The following ST6GALNAC3 variants were observed in gnomAD, a reference collection of about 807,000 sequenced individuals.
ST6GALNAC3 encodes ST6 N-acetylgalactosaminide alpha-2,6-sialyltransferase 3.
ST6GALNAC3 carries 25 observed loss-of-function variants against 32.7 expected under a neutral mutation model. The ratio of observed to expected loss-of-function variants is 0.76; its 90% CI spans 0.56 to 1.07. ST6GALNAC3 has a LOEUF of 1.07. Ranked by LOEUF, ST6GALNAC3 falls within the 50% of genes least tolerant of loss-of-function variation. ST6GALNAC3 has a pLI of 0.00. For missense variants in ST6GALNAC3, 355 were observed against 382.4 expected (o/e 0.93, Z 0.60); for synonymous variants, 129 against 133.1 (o/e 0.97, Z 0.21).
At chr1:76,263,674 T>A (rs1435712561) in intron 1 of ST6GALNAC3, among the ~76,000 whole-genome samples, 1 of 152,230 alleles carries the variant, frequency 6.6e-6, no homozygotes, top group African/African-American at 2.4e-5. Flanking sequence ...ACTGTCTCAT[T>A]CTTTTGGAGA....
chr1:76,397,076 T>A (rs1447002065), intron 2 of ST6GALNAC3, among the ~76,000 whole-genome samples: 3 of 152,130 alleles, frequency 2.0e-5, no homozygotes, highest in Non-Finnish European at 4.4e-5. Flanking sequence ...TTTAAAGTAG[T>A]TTAAAAATAA....
At chr1:76,402,352 A>G (rs965976112) in intron 2 of ST6GALNAC3, among the ~76,000 whole-genome samples, 2 of 152,186 alleles carry the variant, frequency 1.3e-5, no homozygotes, top group Admixed American at 1.3e-4. Flanking sequence ...AGGAATGTAC[A>G]TAACCCCACT....
At chr1:76,112,648 C>A (rs1648121261) in intron 1 of ST6GALNAC3, among the ~76,000 whole-genome samples, 1 of 149,390 alleles carries the variant, frequency 6.7e-6, no homozygotes, top group Non-Finnish European at 1.5e-5. Context: ...GGAGGGGCTC[C>A]TCACTTCTCA....
intron 2 of ST6GALNAC3, among the ~76,000 whole-genome samples, chr1:76,326,855 G>A (rs1354370765): frequency 1.5e-5 from 2 of 133,976 alleles, no homozygotes; most frequent in African/African-American, 2.8e-5. Flanking sequence ...CATTGTTTAG[G>A]TATGCAATCT....
chr1:76,546,333 C>T (rs185275769), intron 3 of ST6GALNAC3, among the ~76,000 whole-genome samples: 59 of 152,204 alleles, frequency 3.9e-4, no homozygotes, highest in Admixed American at 2.0e-3. Context: ...AGTGATGGTG[C>T]TAGTAGTGGG....
At chr1:76,254,217 A>G (rs560762738) in intron 1 of ST6GALNAC3, among the ~76,000 whole-genome samples, 26 of 152,210 alleles carry the variant, frequency 1.7e-4, no homozygotes, top group Admixed American at 9.8e-4. Context: ...GACAGTTACT[A>G]TTTCTAGATC....
intron 1 of ST6GALNAC3, among the ~76,000 whole-genome samples, chr1:76,265,961 G>C (rs1230978885): frequency 6.6e-6 from 1 of 152,152 alleles, no homozygotes; most frequent in African/African-American, 2.4e-5. Context: ...ATGGTCTGAG[G>C]ATTATAGTTA....
At position 76,212,281 on chromosome 1, in the gene ST6GALNAC3, TG is replaced by T. The variant is rs544791914; in HGVS notation, c.19-101523del. Among the ~76,000 whole-genome samples the T allele has an allele frequency of 5.3e-5, 8 of 152,256 alleles. No individual in the cohort carries two copies. The South Asian group carries it at 1.7e-3, about 32-fold the overall frequency. On this transcript the variant is annotated intron_variant, in intron 1 of 4. Coordinates refer to ENST00000328299, the MANE Select transcript of ST6GALNAC3 (RefSeq NM_152996.4). ...CTCATTTTTGGAAACTGCTCCCCTA[TG>T]TTAAGTATAGTGAAACGCTTCCAGA...
chr1:76,362,567 C>A (rs1280162535), intron 2 of ST6GALNAC3, among the ~76,000 whole-genome samples: 1 of 152,140 alleles, frequency 6.6e-6, no homozygotes, highest in African/African-American at 2.4e-5. Flanking sequence ...CCTGTGAAAT[C>A]AAAAACAAGT....
chr1:76,378,599 T>C (rs1411606781), intron 2 of ST6GALNAC3, among the ~76,000 whole-genome samples: 2 of 151,520 alleles, frequency 1.3e-5, no homozygotes, highest in Non-Finnish European at 2.9e-5. Flanking sequence ...GAGGCAGAGG[T>C]TGCAGTGAGT....
intron 1 of ST6GALNAC3, among the ~76,000 whole-genome samples, chr1:76,203,592 A>T (rs570153801): frequency 6.6e-6 from 1 of 152,354 alleles, no homozygotes; most frequent in South Asian, 2.1e-4. Flanking sequence ...ATAAGGAGTG[A>T]TAAGAAAATG....
chr1:76,106,346 A>C (rs539702943), intron 1 of ST6GALNAC3, among the ~76,000 whole-genome samples: 2 of 152,288 alleles, frequency 1.3e-5, no homozygotes, highest in East Asian at 1.9e-4. Flanking sequence ...AATGAGCTGA[A>C]CCATGTTGGT....
intron 2 of ST6GALNAC3, among the ~76,000 whole-genome samples, chr1:76,319,624 T>C (rs1165892871): frequency 6.6e-6 from 1 of 152,210 alleles, no homozygotes; most frequent in Non-Finnish European, 1.5e-5. Flanking sequence ...TTTACGTAAG[T>C]ATATTGAGAG....
At chr1:76,173,949 C>T in intron 1 of ST6GALNAC3, among the ~76,000 whole-genome samples, 1 of 152,016 alleles carries the variant, frequency 6.6e-6, no homozygotes, top group East Asian at 1.9e-4. Context: ...TGATCTAGAA[C>T]CAGAAATACC....
At chr1:76,526,511 C>T (rs961138853) in intron 3 of ST6GALNAC3, among the ~76,000 whole-genome samples, 1 of 151,792 alleles carries the variant, frequency 6.6e-6, no homozygotes, top group Non-Finnish European at 1.5e-5. Flanking sequence ...CTCTGGAATC[C>T]TTTAAGTTGA....
In ST6GALNAC3 at chr1:76,592,059, G is replaced by A. The variant is rs549626021; in HGVS notation, c.624-35393G>A. ...TGAAGATGTTCTTATGTAAGGTGAA[G>A]AATCCCAGATTTGATTCCCTAGTTT... On this transcript the variant is annotated intron_variant, in intron 3 of 4. Coordinates refer to ENST00000328299, the MANE Select transcript of ST6GALNAC3 (RefSeq NM_152996.4). Among the ~76,000 whole-genome samples the A allele has an allele frequency of 1.9e-3, 284 of 152,298 alleles. 1 individual carries two copies. Among genetic ancestry groups the A allele is most frequent in the Middle Eastern group, 3.4e-3 (1 of 294 alleles).
chr1:76,156,848 C>T (rs987074981), intron 1 of ST6GALNAC3, among the ~76,000 whole-genome samples: 6 of 152,236 alleles, frequency 3.9e-5, no homozygotes, highest in Non-Finnish European at 1.5e-5. Context: ...TCTCCTGCCT[C>T]AGCCTCCCAA....
intron 3 of ST6GALNAC3, among the ~76,000 whole-genome samples, chr1:76,460,648 C>G (rs530618209): frequency 2.2e-4 from 33 of 152,208 alleles, no homozygotes; most frequent in African/African-American, 7.7e-4. Context: ...AGTCAATTGC[C>G]GAATGACTCT....
chr1:76,437,828 C>A (rs1430273149), intron 3 of ST6GALNAC3, among the ~76,000 whole-genome samples: 1 of 151,974 alleles, frequency 6.6e-6, no homozygotes, highest in East Asian at 1.9e-4. Context: ...CCCGCCTCAG[C>A]CTCCCAAAGT....
Sources: allele counts gnomAD v4.1 joint callset (sites outside exome capture counted in the v4.1 genomes callset), GRCh38; gene constraint gnomAD v4.1.1; transcripts MANE v1.5; gene names NCBI Gene and HGNC (gene_info 2026-07-23, HGNC 2026-07-21).